ZDHHC14: variants seen among roughly 807,000 people sequenced by gnomAD.
ZDHHC14 encodes the protein zDHHC palmitoyltransferase 14, also known as palmitoyltransferase ZDHHC14.
In ZDHHC14, 16 loss-of-function variants were observed where a neutral mutation model predicts 47.7. The ratio of observed to expected loss-of-function variants is 0.34; its 90% CI spans 0.23 to 0.51. The LOEUF is 0.51. ZDHHC14 is among the 20% of genes least tolerant of loss of function. The pLI, the probability that ZDHHC14 is intolerant of heterozygous loss-of-function variation, is 0.97. For missense variants in ZDHHC14, 515 were observed against 662.5 expected, an observed-to-expected ratio of 0.78 and a Z score of 2.44; for synonymous variants, 293 against 278.9, an observed-to-expected ratio of 1.05 and a Z score of -0.50.
chr6:157,419,847 G>C (rs978306629), intron 1 of ZDHHC14, among the ~76,000 whole-genome samples: 7 of 152,324 alleles, frequency 4.6e-5, no homozygotes, highest in South Asian at 4.1e-4. Context: ...GTGTTTAGCT[G>C]TGTAGGAAAC....
At chr6:157,589,367 A>T (rs1372363046) in intron 2 of ZDHHC14, among the ~76,000 whole-genome samples, 3 of 152,068 alleles carry the variant, frequency 2.0e-5, no homozygotes, top group Non-Finnish European at 4.4e-5. Flanking sequence ...AAACTATATC[A>T]ACATCTCGGA....
At chr6:157,668,166 C>A (rs1778634684) in intron 8 of ZDHHC14, among the ~76,000 whole-genome samples, 1 of 152,164 alleles carries the variant, frequency 6.6e-6, no homozygotes, top group African/African-American at 2.4e-5. Context: ...TGCTGTCATC[C>A]CAGCAGGAAA....
At chr6:157,671,410 A>G (rs1310160811) in intron 8 of ZDHHC14, among the ~76,000 whole-genome samples, 1 of 152,188 alleles carries the variant, frequency 6.6e-6, no homozygotes, top group Non-Finnish European at 1.5e-5. Flanking sequence ...TTATAGCTTG[A>G]GCACAGAGTC....
At chr6:157,572,176 TTG>T (rs1272985215) in intron 2 of ZDHHC14, among the ~76,000 whole-genome samples, 1 of 152,106 alleles carries the variant, frequency 6.6e-6, no homozygotes, top group African/African-American at 2.4e-5. Context: ...GGAACGTTCT[TTG>T]TTGGGAGGGG....
At chr6:157,489,432 G>GT (rs1455416144) in intron 1 of ZDHHC14, among the ~76,000 whole-genome samples, 1 of 143,364 alleles carries the variant, frequency 7.0e-6, no homozygotes, top group Non-Finnish European at 1.6e-5. Flanking sequence ...TATTCTTTCA[G>GT]TTGTTTTTTT....
intron 2 of ZDHHC14, among the ~76,000 whole-genome samples, chr6:157,561,779 C>G (rs1415832629): frequency 6.6e-6 from 1 of 152,154 alleles, no homozygotes; most frequent in Non-Finnish European, 1.5e-5. Context: ...CTGCCTCCAC[C>G]TCCCAAGTAG....
At chr6:157,553,840 G>T (rs1582930457) in intron 2 of ZDHHC14, among the ~76,000 whole-genome samples, 1 of 152,134 alleles carries the variant, frequency 6.6e-6, no homozygotes, top group East Asian at 1.9e-4. Context: ...GTCTGACATG[G>T]GCAGCACTCA....
At chr6:157,663,987 C>T (rs1276277698) in intron 8 of ZDHHC14, among the ~76,000 whole-genome samples, 1 of 152,220 alleles carries the variant, frequency 6.6e-6, no homozygotes, top group Non-Finnish European at 1.5e-5. Context: ...AGAGCCCATG[C>T]TTTTAACCCT....
intron 2 of ZDHHC14, among the ~76,000 whole-genome samples, chr6:157,568,869 T>C (rs1380451328): frequency 6.6e-6 from 1 of 152,174 alleles, no homozygotes; most frequent in East Asian, 1.9e-4. Context: ...CTTTAAAAAA[T>C]ATATTTACTG....
At chr6:157,575,083 T>A (rs1783257354) in intron 2 of ZDHHC14, among the ~76,000 whole-genome samples, 1 of 152,134 alleles carries the variant, frequency 6.6e-6, no homozygotes, top group Non-Finnish European at 1.5e-5. Flanking sequence ...GAGTTGGTGT[T>A]GCCATCTTGA....
At chr6:157,522,315 C>T (rs533732713) in intron 1 of ZDHHC14, among the ~76,000 whole-genome samples, 1 of 152,304 alleles carries the variant, frequency 6.6e-6, no homozygotes, top group African/African-American at 2.4e-5. Flanking sequence ...CTGAGAAATT[C>T]TATCATCAAA....
At chr6:157,473,909 TAA>T (rs758429246) in intron 1 of ZDHHC14, among the ~76,000 whole-genome samples, 1 of 146,912 alleles carries the variant, frequency 6.8e-6, no homozygotes. Flanking sequence ...CCCCAAATCT[TAA>T]AAAAAAAAAG....
intron 2 of ZDHHC14, among the ~76,000 whole-genome samples, chr6:157,574,402 G>T (rs1783220084): frequency 6.6e-6 from 1 of 152,174 alleles, no homozygotes; most frequent in African/African-American, 2.4e-5. Flanking sequence ...CAGGCTGGGT[G>T]ACAGAGTGAG....
chr6:157,484,257 TTA>T lies in ZDHHC14; in HGVS notation c.246-58318_246-58317del, dbSNP rs566877350. 3.5e-5 allele frequency among the ~76,000 whole-genome samples: 5 copies of T among 144,236 alleles called. No homozygotes were observed. In the South Asian group the frequency reaches 6.6e-4, roughly 19 times the overall value. 94.6% of individuals were successfully genotyped at this position (144,236 alleles called of 152,430 possible). A position where few individuals can be genotyped will look rare whatever the true frequency, so the allele number is the denominator to read the frequency against. On this transcript the variant is annotated intron_variant, in intron 1 of 8. Transcript: ENST00000359775. Reference sequence around the variant, plus strand: ...CCAAACTCGCATGACACGAGGTTATTTATATATATATGTATATATACGTATAT... The same window carrying T: ...CCAAACTCGCATGACACGAGGTTATTTATATATATGTATATATACGTATAT...
chr6:157,516,026 T>C (rs1159637613), intron 1 of ZDHHC14, among the ~76,000 whole-genome samples: 1 of 152,184 alleles, frequency 6.6e-6, no homozygotes, highest in Non-Finnish European at 1.5e-5. Flanking sequence ...TGCCCTCCTT[T>C]CAGCCACCAC....
chr6:157,655,657 C>A (rs1778053130), intron 8 of ZDHHC14, among the ~76,000 whole-genome samples: 1 of 152,212 alleles, frequency 6.6e-6, no homozygotes, highest in South Asian at 2.1e-4. Flanking sequence ...GAGGACTAGA[C>A]TAGGAGATAG....
chr6:157,555,608 G>A (rs1413867321), intron 2 of ZDHHC14, among the ~76,000 whole-genome samples: 2 of 152,310 alleles, frequency 1.3e-5, no homozygotes, highest in African/African-American at 4.8e-5. Context: ...AAGAATTCCA[G>A]CTGGAGGGCT....
intron 1 of ZDHHC14, among the ~76,000 whole-genome samples, chr6:157,436,339 G>A (rs530871414): frequency 9.2e-5 from 14 of 152,258 alleles, no homozygotes; most frequent in African/African-American, 1.9e-4. Flanking sequence ...GAGTCCACAC[G>A]CAGTGAAGCA....
intron 1 of ZDHHC14, among the ~76,000 whole-genome samples, chr6:157,390,401 G>T (rs1366849539): frequency 1.3e-5 from 2 of 151,992 alleles, no homozygotes; most frequent in Non-Finnish European, 2.9e-5. Context: ...TCCCGCTTGG[G>T]GTTTGCCGAG....
Sources: gnomAD v4.1 joint callset for allele counts (sites outside exome capture counted in the v4.1 genomes callset) on GRCh38, gnomAD v4.1.1 for gene constraint, MANE v1.5 for transcripts, NCBI Gene and HGNC (gene_info 2026-07-23, HGNC 2026-07-21) for gene names.